Variants in PTPN4 observed in about 807,000 individuals in gnomAD.
PTPN4 encodes tyrosine-protein phosphatase non-receptor type 4.
PTPN4 carries 49 observed loss-of-function variants against 135.5 expected under a neutral mutation model. That is an observed-to-expected ratio of 0.36 (90% CI 0.29 to 0.46). The LOEUF (loss-of-function observed/expected upper bound fraction) is 0.46, where lower values mean the gene tolerates loss of function less well. Among genes scored for constraint, PTPN4 ranks in the 20% least tolerant of loss-of-function variants. The pLI is 1.00. For synonymous variants in PTPN4, 333 were observed against 369.9 expected (o/e 0.90, Z 1.14); for missense variants, 860 against 1,101.0 (o/e 0.78, Z 3.10).
At chr2:119,923,061 G>A (rs1454695652) in intron 12 of PTPN4, among the ~76,000 whole-genome samples, 3 of 152,096 alleles carry the variant, frequency 2.0e-5, no homozygotes, top group Admixed American at 6.5e-5. Context: ...TCTGCTAGTG[G>A]TTTATCAGTT....
chr2:119,760,733 C>T (rs1405392197), intron 1 of PTPN4, among the ~76,000 whole-genome samples: 34 of 79,920 alleles, frequency 4.3e-4, no homozygotes, highest in South Asian at 1.1e-3. Context: ...GGTAGAATTC[C>T]TTTTTTTTTT....
intron 10 of PTPN4, among the ~76,000 whole-genome samples, chr2:119,912,396 T>TA (rs1036669685): frequency 1.3e-5 from 2 of 152,316 alleles, no homozygotes; most frequent in African/African-American, 4.8e-5. Context: ...ATGTCACACT[T>TA]ACCAAAGTAT....
chr2:119,817,659 G>T (rs1160424041), intron 2 of PTPN4, among the ~76,000 whole-genome samples: 1 of 152,080 alleles, frequency 6.6e-6, no homozygotes, highest in Non-Finnish European at 1.5e-5. Context: ...CTCTTCTTCG[G>T]CTTCATATGA....
At chr2:119,814,551 C>T (rs1280580002) in intron 2 of PTPN4, among the ~76,000 whole-genome samples, 2 of 152,158 alleles carry the variant, frequency 1.3e-5, no homozygotes, top group African/African-American at 4.8e-5. Context: ...GGTAAATGAA[C>T]TTGCTCCTAG....
intron 1 of PTPN4, among the ~76,000 whole-genome samples, chr2:119,767,347 C>A (rs1434184878): frequency 6.6e-6 from 1 of 152,144 alleles, no homozygotes. Context: ...TGGCTTTTTT[C>A]CTGAATTATT....
intron 23 of PTPN4, 86 bp downstream of exon 23, chr2:119,961,039 A>G: frequency 7.2e-7 from 1 of 1,384,810 alleles, no homozygotes; most frequent in Non-Finnish European, 9.6e-7. Flanking sequence ...ATATTTATTT[A>G]AGCCTTTGTA....
In PTPN4 at chr2:119,833,035, A is replaced by G. The variant is rs554143831; in HGVS notation, c.138+23044A>G. On this transcript the variant is annotated intron_variant, in intron 2 of 26. Coordinates refer to ENST00000263708, the MANE Select transcript of PTPN4 (RefSeq NM_002830.4). ...ATTTTTAACCACTTGTTTTTCTTTA[A>G]TGGTTATAGGTCTAAGTGCTCTATC... Among the ~76,000 whole-genome samples the G allele has an allele frequency of 3.9e-5, 6 of 152,216 alleles. No homozygotes were observed. The South Asian group carries it at 1.2e-3, about 32-fold the overall frequency.
At chr2:119,846,415 A>G (rs543984163) in intron 2 of PTPN4, among the ~76,000 whole-genome samples, 1 of 152,168 alleles carries the variant, frequency 6.6e-6, no homozygotes. Context: ...TAACATTTTT[A>G]TTTTAAAACT....
intron 24 of PTPN4, among the ~76,000 whole-genome samples, chr2:119,965,237 C>T (rs1383193835): frequency 6.6e-6 from 1 of 152,034 alleles, no homozygotes. Flanking sequence ...TCATAATGTC[C>T]CAAGTTGTTA....
rs186689724 is a variant in PTPN4 at position 119,814,465 on chromosome 2, C to T, written c.138+4474C>T. Among the ~76,000 whole-genome samples the T allele has an allele frequency of 9.9e-5, 15 of 152,238 alleles. No homozygotes were observed. In the East Asian group the frequency reaches 2.9e-3, roughly 29 times the overall value. On this transcript the variant is annotated intron_variant, in intron 2 of 26. Transcript: ENST00000263708. ...GTAGGGGCTGTTACTTGTATAGACT[C>T]TCAACATTTTTTCAGTCCTGACCCT...
At chr2:119,935,415 G>T (rs1678967542) in intron 15 of PTPN4, among the ~76,000 whole-genome samples, 1 of 152,160 alleles carries the variant, frequency 6.6e-6, no homozygotes, top group Non-Finnish European at 1.5e-5. Flanking sequence ...AGGAGAAATT[G>T]GTGTAAGATA....
Position 119,952,002 on chromosome 2 carries a change from A to C in PTPN4, c.1686A>C (p.Glu562Asp). ...ACCTCTGTGTCCCTAGACTGAATGA[A>C]GGGGACCAAGTTGTACTGATCAATG... The part of the protein sequence containing the change: ...PADLCVPRLN[E>D]GDQVVLINGR... Residue 562 changes from glutamate (E) to aspartate (D), a missense_variant, in exon 19 of 27, where the codon GAA (glutamate) becomes GAC (aspartate). Physicochemically the swap from Glu to Asp is conservative, Grantham distance 45. Transcript: ENST00000263708. The C allele has an allele frequency of 6.2e-7, 1 of 1,613,128 alleles. No homozygotes were observed. The highest frequency in any genetic ancestry group is 8.5e-7 in the Non-Finnish European group (1 of 1,179,272).
intron 2 of PTPN4, among the ~76,000 whole-genome samples, chr2:119,811,718 A>G (rs1044775770): frequency 6.6e-6 from 1 of 152,110 alleles, no homozygotes; most frequent in African/African-American, 2.4e-5. Context: ...TTTTAACTAT[A>G]GTTTTGAATG....
rs143772720 is a variant in PTPN4 at position 119,861,524 on chromosome 2, G to A, written c.139-1012G>A. 4.1e-3 allele frequency among the ~76,000 whole-genome samples: 626 copies of A among 152,288 alleles called. 4 individuals carry two copies. Among genetic ancestry groups the A allele is most frequent in the Non-Finnish European group, 6.3e-3 (427 of 68,006 alleles). ...GTATTAGCTTTTGTTTGCTACTTAT[G>A]TTAAGATGCCAGAGTAGTTGATATT... On this transcript the variant is annotated intron_variant, in intron 2 of 26. Coordinates refer to ENST00000263708, the MANE Select transcript of PTPN4 (RefSeq NM_002830.4).
intron 2 of PTPN4, among the ~76,000 whole-genome samples, chr2:119,854,713 T>G (rs910580216): frequency 1.3e-5 from 2 of 152,218 alleles, no homozygotes; most frequent in African/African-American, 4.8e-5. Flanking sequence ...ATACAAGATG[T>G]GTAAGCAAGA....
intron 2 of PTPN4, among the ~76,000 whole-genome samples, chr2:119,831,465 C>A (rs1188083460): frequency 6.6e-6 from 1 of 152,134 alleles, no homozygotes; most frequent in African/African-American, 2.4e-5. Context: ...TATAGAAGCA[C>A]CACGTTGTCT....
At chr2:119,896,248 G>A (rs1051404288) in intron 9 of PTPN4, among the ~76,000 whole-genome samples, 1 of 152,002 alleles carries the variant, frequency 6.6e-6, no homozygotes, top group Non-Finnish European at 1.5e-5. Context: ...ATGTGCCTTG[G>A]TAGAAACTGT....
At chr2:119,876,158 C>T (rs1038749593) in intron 3 of PTPN4, among the ~76,000 whole-genome samples, 1 of 152,018 alleles carries the variant, frequency 6.6e-6, no homozygotes, top group Non-Finnish European at 1.5e-5. Flanking sequence ...TAAGAAGAGA[C>T]CATACAAGCT....
At chr2:119,848,396 A>G (rs1377489129) in intron 2 of PTPN4, among the ~76,000 whole-genome samples, 1 of 151,530 alleles carries the variant, frequency 6.6e-6, no homozygotes, top group Non-Finnish European at 1.5e-5. Flanking sequence ...GATGGTCTCA[A>G]TCTCCTGACC....
Sources: gnomAD v4.1 joint callset for allele counts (sites outside exome capture counted in the v4.1 genomes callset) on GRCh38, gnomAD v4.1.1 for gene constraint, MANE v1.5 for transcripts, NCBI Gene and HGNC (gene_info 2026-07-23, HGNC 2026-07-21) for gene names.